Variants in UBE2E1 observed in about 807,000 individuals in gnomAD.
UBE2E1 encodes ubiquitin conjugating enzyme E2 E1.
A neutral mutation model predicts 21.4 loss-of-function variants in UBE2E1; 6 were observed. The ratio of observed to expected loss-of-function variants is 0.28; its 90% CI spans 0.15 to 0.55. The LOEUF (loss-of-function observed/expected upper bound fraction) is 0.55. UBE2E1 is among the 20% of genes least tolerant of loss of function. The pLI, the probability that UBE2E1 is intolerant of heterozygous loss-of-function variation, is 0.93. For missense variants in UBE2E1, 142 were observed against 236.5 expected (o/e 0.60, Z 2.62); for synonymous variants, 87 against 82.7 (o/e 1.05, Z -0.28).
At chr3:23,880,436 ATG>A (rs146306150) in intron 3 of UBE2E1, among the ~76,000 whole-genome samples, 1 of 152,082 alleles carries the variant, frequency 6.6e-6, no homozygotes, top group African/African-American at 2.4e-5. Flanking sequence ...GCATGGTGGC[ATG>A]TGCCTTTAGT....
chr3:23,810,525 G>A lies in UBE2E1; in HGVS notation c.153-935G>A. On this transcript the variant is annotated intron_variant, in intron 2 of 5. Transcript: ENST00000306627. The surrounding 1 kb of genome is among the most constrained non-coding windows in gnomAD (Gnocchi z 5.8). ...GAAGTTAGAGGACGCCCGGGGAAAAGCAGGTCCGGGGAGGTGGGCCGAGAG... is the reference window on the plus strand; with the variant it reads ...GAAGTTAGAGGACGCCCGGGGAAAAACAGGTCCGGGGAGGTGGGCCGAGAG... 1 of 1,535,246 alleles carries A rather than the reference G, an allele frequency of 6.5e-7. No homozygotes were observed. The highest frequency in any genetic ancestry group is 8.7e-7 in the Non-Finnish European group (1 of 1,146,420).
At chr3:23,813,896 A>G (rs1471606911) in intron 3 of UBE2E1, among the ~76,000 whole-genome samples, 1 of 152,206 alleles carries the variant, frequency 6.6e-6, no homozygotes, top group African/African-American at 2.4e-5. Flanking sequence ...TAAGTGATAT[A>G]TTAAGTGCGT....
intron 3 of UBE2E1, among the ~76,000 whole-genome samples, chr3:23,871,706 G>A (rs1368319963): frequency 4.6e-5 from 7 of 151,918 alleles, no homozygotes; most frequent in East Asian, 3.9e-4. Flanking sequence ...GGTCGCGGCC[G>A]GGTAGAGGTG....
rs377458829 is a variant in UBE2E1, at chr3:23,845,589, C to CTGTGTGTGTGTGTG, written c.203+34093_203+34106dup. ...TCTCTCTCTCTCTCTCTCTCTCTCT[C>CTGTGTGTGTGTGTG]TGTGTGTGTGTGTGTGTGTGTGTGT... On this transcript the variant is annotated intron_variant, in intron 3 of 5. Coordinates refer to ENST00000306627, the MANE Select transcript of UBE2E1 (RefSeq NM_003341.5). Among the ~76,000 whole-genome samples, 470 of 121,280 alleles carry CTGTGTGTGTGTGTG rather than the reference C, an allele frequency of 3.9e-3. 4 individuals carry two copies. Among genetic ancestry groups the CTGTGTGTGTGTGTG allele is most frequent in the Admixed American group, 6.3e-3 (71 of 11,292 alleles). 79.6% of individuals were successfully genotyped at this position (121,280 alleles called of 152,430 possible).
chr3:23,871,704 C>G (rs1700796106), intron 3 of UBE2E1, among the ~76,000 whole-genome samples: 1 of 151,772 alleles, frequency 6.6e-6, no homozygotes, highest in South Asian at 2.1e-4. Flanking sequence ...GGGGTCGCGG[C>G]CGGGTAGAGG....
chr3:23,882,392 T>TG (rs1701066575), intron 3 of UBE2E1, among the ~76,000 whole-genome samples: 1 of 152,256 alleles, frequency 6.6e-6, no homozygotes, highest in African/African-American at 2.4e-5. Context: ...GAATGCTGAT[T>TG]GGTACATTTA....
intron 3 of UBE2E1, among the ~76,000 whole-genome samples, chr3:23,882,489 G>C (rs1348948985): frequency 3.9e-5 from 6 of 152,244 alleles, no homozygotes; most frequent in African/African-American, 1.4e-4. Context: ...CCTGTGCCGG[G>C]GCTGCGGGCG....
intron 3 of UBE2E1, among the ~76,000 whole-genome samples, chr3:23,843,187 G>T (rs986671744): frequency 1.3e-5 from 2 of 151,864 alleles, no homozygotes; most frequent in African/African-American, 4.8e-5. Flanking sequence ...TGAGAGTAGT[G>T]ACAGGGACAG....
chr3:23,867,560 G>C (rs949437849), intron 3 of UBE2E1, among the ~76,000 whole-genome samples: 2 of 152,142 alleles, frequency 1.3e-5, no homozygotes, highest in African/African-American at 2.4e-5. Flanking sequence ...TTAAAGAAGG[G>C]AGAAAGAGCA....
chr3:23,855,588 G>C (rs988394094), intron 3 of UBE2E1, among the ~76,000 whole-genome samples: 2 of 152,134 alleles, frequency 1.3e-5, no homozygotes, highest in African/African-American at 2.4e-5. Context: ...CCAGCACTTT[G>C]GGAGGCCGAG....
At chr3:23,882,843 A>G (rs1270749286) in intron 3 of UBE2E1, among the ~76,000 whole-genome samples, 1 of 152,168 alleles carries the variant, frequency 6.6e-6, no homozygotes, top group Non-Finnish European at 1.5e-5. Context: ...CGGGGCTGCC[A>G]AGTCCACGCC....
intron 3 of UBE2E1, among the ~76,000 whole-genome samples, chr3:23,856,005 AT>A (rs1218661475): frequency 6.6e-6 from 1 of 151,940 alleles, no homozygotes; most frequent in African/African-American, 2.4e-5. Context: ...TGCTGTTCAG[AT>A]TTTTTAAGTT....
At chr3:23,834,029 C>T (rs1169884118) in intron 3 of UBE2E1, among the ~76,000 whole-genome samples, 5 of 152,010 alleles carry the variant, frequency 3.3e-5, no homozygotes, top group African/African-American at 1.2e-4. Context: ...CAGAAAATTT[C>T]AACAGTGCAA....
At chr3:23,807,743 A>G (rs2125277469) in intron 2 of UBE2E1, 1 of 208,704 alleles carries the variant, frequency 4.8e-6, no homozygotes, top group East Asian at 1.1e-4. Context: ...ACCTTCCCCA[A>G]GGCCATGATC....
At chr3:23,852,153 G>A (rs1700339488) in intron 3 of UBE2E1, among the ~76,000 whole-genome samples, 1 of 152,110 alleles carries the variant, frequency 6.6e-6, no homozygotes, top group Admixed American at 6.5e-5. Flanking sequence ...GTACAACCTG[G>A]AGAACCATGA....
intron 3 of UBE2E1, among the ~76,000 whole-genome samples, chr3:23,872,854 T>C (rs962862537): frequency 6.6e-6 from 1 of 152,018 alleles, no homozygotes; most frequent in African/African-American, 2.4e-5. Context: ...CCGTCTCTAC[T>C]AAAAATACAA....
At chr3:23,882,859 G>A (rs968029692) in intron 3 of UBE2E1, among the ~76,000 whole-genome samples, 2 of 152,186 alleles carry the variant, frequency 1.3e-5, no homozygotes, top group Non-Finnish European at 1.5e-5. Flanking sequence ...ACGCCCACCC[G>A]GAACTCTCGC....
At chr3:23,855,378 A>C (rs1244411061) in intron 3 of UBE2E1, among the ~76,000 whole-genome samples, 1 of 152,186 alleles carries the variant, frequency 6.6e-6, no homozygotes, top group African/African-American at 2.4e-5. Context: ...TACTATGTTA[A>C]TTTTAACCTT....
At chr3:23,857,528 T>G (rs1242929517) in intron 3 of UBE2E1, among the ~76,000 whole-genome samples, 2 of 152,246 alleles carry the variant, frequency 1.3e-5, no homozygotes, top group Non-Finnish European at 2.9e-5. Context: ...ACTTTTGGGT[T>G]GCCTGTCAGA....
Sources: gnomAD v4.1 joint callset for allele counts (sites outside exome capture counted in the v4.1 genomes callset) on GRCh38, gnomAD v4.1.1 for gene constraint, Gnocchi (gnomAD v3.1) non-coding constraint, MANE v1.5 for transcripts, NCBI Gene and HGNC (gene_info 2026-07-23, HGNC 2026-07-21) for gene names.